The following MTHFD2 variants were observed in gnomAD, a reference collection of about 807,000 sequenced individuals.
MTHFD2 encodes the protein methylenetetrahydrofolate dehydrogenase (NADP+ dependent) 2, methenyltetrahydrofolate cyclohydrolase, also known as bifunctional methylenetetrahydrofolate dehydrogenase/cyclohydrolase, mitochondrial.
A neutral mutation model predicts 36.8 loss-of-function variants in MTHFD2; 26 were observed. That is an observed-to-expected ratio of 0.71 (90% confidence interval 0.52 to 0.98). MTHFD2 has a LOEUF of 0.98. MTHFD2 is among the 50% of genes least tolerant of loss of function. The probability of loss-of-function intolerance (pLI) is 0.00; values close to 1 mark genes in which losing one functional copy is unlikely to be tolerated. For synonymous variants in MTHFD2, 164 were observed against 155.2 expected (o/e 1.06, Z -0.42); for missense variants, 373 against 434.0 (o/e 0.86, Z 1.25).
chr2:74,208,134 CTG>C (rs1420923127), intron 3 of MTHFD2, among the ~76,000 whole-genome samples: 3 of 152,300 alleles, frequency 2.0e-5, no homozygotes, highest in South Asian at 2.1e-4. Flanking sequence ...GTCTTGGACT[CTG>C]TGCTTCCCAA....
rs1693955926 is a variant in MTHFD2 at position 74,198,634 on chromosome 2, C to T, written c.-8C>T. 1.9e-6 allele frequency: 3 copies of T among 1,597,444 alleles called. No individual in the cohort carries two copies. Among genetic ancestry groups the T allele is most frequent in the East Asian group, 4.6e-5 (2 of 43,942 alleles). On this transcript the variant is annotated 5_prime_UTR_variant, in exon 1 of 8. Coordinates refer to ENST00000394053, the MANE Select transcript of MTHFD2 (RefSeq NM_006636.4). ...GCTTCCCTCCCGGCGCAGTCACCGG[C>T]GCGGTCTATGGCTGCGACTTCTCTA...
At position 74,214,938 on chromosome 2, in the gene MTHFD2, G is replaced by A. The variant is rs1015631529; in HGVS notation, c.*696G>A. 1 of 152,534 alleles carries A rather than the reference G, an allele frequency of 6.6e-6. No individual in the cohort carries two copies. Among genetic ancestry groups the A allele is most frequent in the Non-Finnish European group, 1.5e-5 (1 of 68,026 alleles). 9.4% of individuals were successfully genotyped at this position (152,534 alleles called of 1,614,324 possible). ...CTCCCCATTTTAGTTTTCTAGGACT[G>A]AAAGGATTCTTTTCTACATTATACA... is the stretch of plus-strand genomic sequence containing the variant. On this transcript the variant is annotated 3_prime_UTR_variant, in exon 8 of 8. Transcript: ENST00000394053.
intron 1 of MTHFD2, among the ~76,000 whole-genome samples, chr2:74,199,144 G>A (rs911621842): frequency 6.6e-6 from 1 of 152,224 alleles, no homozygotes; most frequent in Non-Finnish European, 1.5e-5. Context: ...ACAGGCGAGG[G>A]TTCCAAAAGA....
At chr2:74,209,092 C>T (rs888396388) in intron 4 of MTHFD2, among the ~76,000 whole-genome samples, 10 of 75,740 alleles carry the variant, frequency 1.3e-4, no homozygotes, top group African/African-American at 6.5e-4. Context: ...AAGCTGGTCT[C>T]GAACTAGGCC....
In MTHFD2 at chr2:74,215,764, A is replaced by T. The variant is rs1465024210; in HGVS notation, c.*1522A>T. On this transcript the variant is annotated 3_prime_UTR_variant, in exon 8 of 8. Coordinates refer to ENST00000394053, the MANE Select transcript of MTHFD2 (RefSeq NM_006636.4). ...GCTGGGATTACAGGTGCATGCCACC[A>T]TGCCTGGCTAATTTTTGTGTTTTTA... is the stretch of plus-strand genomic sequence containing the variant. 1.3e-5 allele frequency: 2 copies of T among 152,176 alleles called. No individual in the cohort carries two copies. Among genetic ancestry groups the T allele is most frequent in the Admixed American group, 6.5e-5 (1 of 15,272 alleles). 9.4% of individuals were successfully genotyped at this position (152,176 alleles called of 1,614,324 possible).
Position 74,209,245 on chromosome 2 carries a change from CTTTTTT to C in MTHFD2, c.562+528_562+533del, listed in dbSNP as rs745993078. Among the ~76,000 whole-genome samples the C allele has an allele frequency of 2.0e-5, 3 of 146,922 alleles. No homozygotes were observed. In the East Asian group the frequency reaches 6.1e-4, roughly 30 times the overall value. ...AAGGAAATTTTCTATTTTTCTTTTT[CTTTTTT>C]TTTGTTTTTGAGACGGAGTCTTGCT... On this transcript the variant is annotated intron_variant, in intron 4 of 7. Transcript: ENST00000394053.
Position 74,214,750 on chromosome 2 carries a change from G to A in MTHFD2, c.*508G>A, listed in dbSNP as rs1300665995. ...TTATATATGTATTGATTGGCAACCAGATTTATCTAAGTAGAACTGAATTGG... is the reference window on the plus strand; with the variant it reads ...TTATATATGTATTGATTGGCAACCAAATTTATCTAAGTAGAACTGAATTGG... On this transcript the variant is annotated 3_prime_UTR_variant, in exon 8 of 8. Transcript: ENST00000394053. 6.6e-6 allele frequency: 1 copy of A among 152,370 alleles called. No homozygotes were observed. Among genetic ancestry groups the A allele is most frequent in the African/African-American group, 2.4e-5 (1 of 41,450 alleles). 9.4% of individuals were successfully genotyped at this position (152,370 alleles called of 1,614,324 possible).
intron 1 of MTHFD2, among the ~76,000 whole-genome samples, chr2:74,201,790 A>C (rs1048060009): frequency 5.9e-5 from 9 of 152,238 alleles, no homozygotes; most frequent in African/African-American, 1.7e-4. Flanking sequence ...GCCCCTTGGC[A>C]AAAGAGATGA....
chr2:74,211,909 A>G (rs780563143), intron 7 of MTHFD2, 43 bp downstream of exon 7: 8 of 1,508,292 alleles, frequency 5.3e-6, no homozygotes, highest in African/African-American at 1.4e-5. Context: ...ATCAATAAAT[A>G]CTACCTTTCA....
chr2:74,213,901 G>GT (rs1694368103), intron 7 of MTHFD2, among the ~76,000 whole-genome samples, 178 bp from the exon 8 acceptor site: 1 of 152,094 alleles, frequency 6.6e-6, no homozygotes, highest in East Asian at 1.9e-4. Context: ...GAACAACTCT[G>GT]TATGTGCATG....
intron 5 of MTHFD2, 110 bp downstream of exon 5, chr2:74,210,159 T>C: frequency 1.2e-6 from 1 of 827,726 alleles, no homozygotes; most frequent in Non-Finnish European, 1.8e-6. Flanking sequence ...TTTGTATTTG[T>C]TGAAATTTTG....
rs1694484085 is a variant in MTHFD2 at position 74,217,531 on chromosome 2, G to GAATAAACAT, written c.*3289_*3290insAATAAACAT. 1 of 152,098 alleles carries GAATAAACAT rather than the reference G, an allele frequency of 6.6e-6. No individual in the cohort carries two copies. The highest frequency in any genetic ancestry group is 1.5e-5 in the Non-Finnish European group (1 of 68,010). 9.4% of individuals were successfully genotyped at this position (152,098 alleles called of 1,614,324 possible). On this transcript the variant is annotated 3_prime_UTR_variant, in exon 8 of 8. Coordinates refer to ENST00000394053, the MANE Select transcript of MTHFD2 (RefSeq NM_006636.4). ...TTCACATGAATGGGAGTTTGACTTT[G>GAATAAACAT]GGAATAAACATTGAAAATTTGCAGG...
At chr2:74,209,296 G>A (rs758330500) in intron 4 of MTHFD2, among the ~76,000 whole-genome samples, 1 of 151,280 alleles carries the variant, frequency 6.6e-6, no homozygotes, top group Admixed American at 6.6e-5. Flanking sequence ...AGGCTGGAGT[G>A]CAGTGGCGTG....
At chr2:74,212,909 GTTT>G (rs34811101) in intron 7 of MTHFD2, among the ~76,000 whole-genome samples, 1 of 147,874 alleles carries the variant, frequency 6.8e-6, no homozygotes, top group Non-Finnish European at 1.5e-5. Context: ...TTTCAGTTCT[GTTT>G]TTTTTTTTAA....
At chr2:74,198,938 G>A (rs974781299) in intron 1 of MTHFD2, among the ~76,000 whole-genome samples, 196 bp downstream of exon 1, 16 of 152,286 alleles carry the variant, frequency 1.1e-4, no homozygotes, top group African/African-American at 3.6e-4. Flanking sequence ...CGCTTCCTCG[G>A]CGCGGAGGGC....
intron 1 of MTHFD2, among the ~76,000 whole-genome samples, chr2:74,203,889 T>C (rs1190142050): frequency 6.8e-5 from 2 of 29,200 alleles, no homozygotes; most frequent in Non-Finnish European, 1.3e-4. Context: ...TAGTTTAGTT[T>C]AGTTTAGTTT....
At position 74,217,505 on chromosome 2, in the gene MTHFD2, G is replaced by A. The variant is rs1694483233; in HGVS notation, c.*3263G>A. On this transcript the variant is annotated 3_prime_UTR_variant, in exon 8 of 8. Coordinates refer to ENST00000394053, the MANE Select transcript of MTHFD2 (RefSeq NM_006636.4). ...ACCTTACCTCTGTCTAACCTGTATT[G>A]TTCACATGAATGGGAGTTTGACTTT... The A allele has an allele frequency of 2.0e-5, 3 of 152,100 alleles. No individual in the cohort carries two copies. Among genetic ancestry groups the A allele is most frequent in the Admixed American group, 2.0e-4 (3 of 15,252 alleles). 9.4% of individuals were successfully genotyped at this position (152,100 alleles called of 1,614,324 possible).
intron 1 of MTHFD2, among the ~76,000 whole-genome samples, chr2:74,202,568 T>C (rs978503602): frequency 3.3e-5 from 5 of 152,072 alleles, no homozygotes; most frequent in African/African-American, 9.7e-5. Flanking sequence ...TGGAGTGCAG[T>C]GGCACGATCT....
At chr2:74,209,399 T>C (rs901097370) in intron 4 of MTHFD2, among the ~76,000 whole-genome samples, 1 of 151,990 alleles carries the variant, frequency 6.6e-6, no homozygotes, top group Non-Finnish European at 1.5e-5. Context: ...CCCACCACCA[T>C]GCCTGGCTAA....
Sources: gnomAD v4.1 joint callset for allele counts (sites outside exome capture counted in the v4.1 genomes callset) on GRCh38, gnomAD v4.1.1 for gene constraint, MANE v1.5 for transcripts, NCBI Gene and HGNC (gene_info 2026-07-23, HGNC 2026-07-21) for gene names.